DLGAP2: variants seen among roughly 807,000 people sequenced by gnomAD.
The protein encoded by DLGAP2 is disks large-associated protein 2.
Under a neutral mutation model 100.3 loss-of-function variants are expected in DLGAP2, and 26 were observed. The observed-to-expected ratio is 0.26, with a 90% CI of 0.19 to 0.36. DLGAP2 has a LOEUF of 0.36. Ranked by LOEUF, DLGAP2 falls within the 10% of genes least tolerant of loss-of-function variation. The probability of loss-of-function intolerance (pLI) is 1.00; values close to 1 mark genes in which losing one functional copy is unlikely to be tolerated. For missense variants in DLGAP2, 1,858 were observed against 1,453.2 expected (o/e 1.28, Z -4.53); for synonymous variants, 886 against 630.1 (o/e 1.41, Z -6.08).
chr8:1,523,668 G>A (rs1477673428), intron 4 of DLGAP2, among the ~76,000 whole-genome samples: 2 of 152,184 alleles, frequency 1.3e-5, no homozygotes, highest in East Asian at 1.9e-4. Flanking sequence ...AGGAACACTC[G>A]TGGAGCCGTC....
intron 2 of DLGAP2, among the ~76,000 whole-genome samples, chr8:981,783 T>A (rs1481040840): frequency 6.6e-6 from 1 of 152,064 alleles, no homozygotes; most frequent in Non-Finnish European, 1.5e-5. Context: ...TGTTGTTGAC[T>A]TGTAGAAGTT....
intron 3 of DLGAP2, among the ~76,000 whole-genome samples, chr8:1,466,844 G>T (rs1798640868): frequency 1.3e-5 from 2 of 152,132 alleles, no homozygotes; most frequent in South Asian, 4.2e-4. Context: ...CCAGGCCAGG[G>T]AGAAGCTGCT....
At chr8:1,698,851 C>T (rs567772775) in intron 14 of DLGAP2, among the ~76,000 whole-genome samples, 4 of 150,032 alleles carry the variant, frequency 2.7e-5, no homozygotes, top group East Asian at 4.0e-4. Flanking sequence ...CCATGTAAGC[C>T]ATGTGTGGGA....
intron 2 of DLGAP2, among the ~76,000 whole-genome samples, chr8:1,009,088 G>C (rs112409056): frequency 2.5e-4 from 38 of 152,310 alleles, no homozygotes; most frequent in African/African-American, 9.1e-4. Context: ...GAGTGTAGCT[G>C]CACAGCCCAG....
chr8:927,938 C>G lies in DLGAP2; in HGVS notation c.73+19972C>G, dbSNP rs188893557. On this transcript the variant is annotated intron_variant, in intron 2 of 14. Transcript: ENST00000637795. ...CTGAAGGGGCAGAGCAGTGCCAGGC[C>G]CATCAGATGCCATGGGACACACTTG... Among the ~76,000 whole-genome samples, 181 of 152,294 alleles carry G rather than the reference C, an allele frequency of 1.2e-3. 2 individuals carry two copies. Among genetic ancestry groups the G allele is most frequent in the Admixed American group, 0.012 (178 of 15,298 alleles).
At chr8:887,286 C>T (rs544809806) in intron 1 of DLGAP2, among the ~76,000 whole-genome samples, 1 of 152,082 alleles carries the variant, frequency 6.6e-6, no homozygotes, top group African/African-American at 2.4e-5. Flanking sequence ...AGATGGGTCT[C>T]CTGAATACAG....
intron 12 of DLGAP2, among the ~76,000 whole-genome samples, chr8:1,689,784 G>C (rs1035823735): frequency 1.3e-5 from 2 of 152,194 alleles, no homozygotes; most frequent in African/African-American, 4.8e-5. Context: ...GAGAGGTGAT[G>C]AGATGCGTAG....
intron 1 of DLGAP2, among the ~76,000 whole-genome samples, chr8:886,523 C>A (rs556736618): frequency 6.6e-6 from 1 of 152,250 alleles, no homozygotes; most frequent in African/African-American, 2.4e-5. Context: ...TATAAATGTC[C>A]CTCTTAACAC....
intron 3 of DLGAP2, among the ~76,000 whole-genome samples, chr8:1,478,963 C>G (rs1159426626): frequency 6.6e-6 from 1 of 152,230 alleles, no homozygotes; most frequent in East Asian, 1.9e-4. Context: ...TAGCCACATG[C>G]AACTTACAGA....
At chr8:973,507 C>G (rs1800076327) in intron 2 of DLGAP2, among the ~76,000 whole-genome samples, 2 of 152,024 alleles carry the variant, frequency 1.3e-5, no homozygotes, top group Non-Finnish European at 2.9e-5. Flanking sequence ...CCCCACATCT[C>G]AGACGATGGG....
In DLGAP2 at chr8:1,702,789, G is replaced by C. The variant is rs1340218019; in HGVS notation, c.*1383G>C. ...CGGTCTTCAAAGGAAAAGCCTGTCCGATTTTTCCATGGGTTCCAGTTTCAG... is the reference window on the plus strand; with the variant it reads ...CGGTCTTCAAAGGAAAAGCCTGTCCCATTTTTCCATGGGTTCCAGTTTCAG... On this transcript the variant is annotated 3_prime_UTR_variant, in exon 15 of 15. Transcript: ENST00000637795. The C allele has an allele frequency of 6.6e-6, 1 of 152,370 alleles. No homozygotes were observed. The highest frequency in any genetic ancestry group is 6.5e-5 in the Admixed American group (1 of 15,278). The allele number at this position is 152,370 out of a possible 1,614,324, so 9.4% of individuals were successfully genotyped here. A position where few individuals can be genotyped will look rare whatever the true frequency, so the allele number is the denominator to read the frequency against.
At chr8:1,438,484 A>T (rs12546447) in intron 3 of DLGAP2, among the ~76,000 whole-genome samples, 77,513 of 146,768 alleles carry the variant, frequency 0.53, 21,196 homozygotes, top group Non-Finnish European at 0.62. Context: ...GTGGCTTTTT[A>T]AAAAAAAACC....
intron 3 of DLGAP2, among the ~76,000 whole-genome samples, chr8:1,492,297 T>A (rs1799410961): frequency 6.6e-6 from 1 of 152,170 alleles, no homozygotes. Context: ...AACCAATCAA[T>A]GTCATTGTCC....
intron 2 of DLGAP2, among the ~76,000 whole-genome samples, chr8:1,125,729 G>A (rs1266051145): frequency 6.6e-6 from 1 of 152,170 alleles, no homozygotes; most frequent in Non-Finnish European, 1.5e-5. Context: ...AAGGTTTTAC[G>A]TTGTCTTGTG....
intron 3 of DLGAP2, among the ~76,000 whole-genome samples, chr8:1,334,560 T>C (rs1305652848): frequency 6.6e-6 from 1 of 152,016 alleles, no homozygotes; most frequent in Non-Finnish European, 1.5e-5. Flanking sequence ...CAGATGTGAG[T>C]GTGAGAGGTG....
chr8:1,215,009 C>A (rs911668725), intron 2 of DLGAP2, among the ~76,000 whole-genome samples: 2 of 152,118 alleles, frequency 1.3e-5, no homozygotes, highest in East Asian at 1.9e-4. Flanking sequence ...ATCTCACTGC[C>A]CACTTCTGTG....
At chr8:1,244,244 C>T (rs11991203) in intron 2 of DLGAP2, among the ~76,000 whole-genome samples, 2 of 152,166 alleles carry the variant, frequency 1.3e-5, no homozygotes, top group Non-Finnish European at 2.9e-5. Flanking sequence ...CATTTTGCAC[C>T]CTAGTGCCCG....
chr8:1,546,116 T>C (rs921625491), intron 4 of DLGAP2, among the ~76,000 whole-genome samples: 27 of 152,332 alleles, frequency 1.8e-4, no homozygotes, highest in African/African-American at 6.0e-4. Context: ...TCCCCCAATA[T>C]ATTAAAGTGC....
chr8:1,118,540 A>T (rs2129047118), intron 2 of DLGAP2, among the ~76,000 whole-genome samples: 1 of 134,078 alleles, frequency 7.5e-6, no homozygotes, highest in East Asian at 2.4e-4. Flanking sequence ...TGCGAATAGA[A>T]ATGAATGGGG....
Sources: gnomAD v4.1 joint callset for allele counts (sites outside exome capture counted in the v4.1 genomes callset) on GRCh38, gnomAD v4.1.1 for gene constraint, MANE v1.5 for transcripts, NCBI Gene and HGNC (gene_info 2026-07-23, HGNC 2026-07-21) for gene names.